KLHL2: variants seen among roughly 807,000 people sequenced by gnomAD.
The protein encoded by KLHL2 is kelch-like protein 2.
In KLHL2, 15 loss-of-function variants were observed where a neutral mutation model predicts 75.8. The observed-to-expected ratio is 0.20, with a 90% CI of 0.13 to 0.30. KLHL2 has a LOEUF of 0.30. KLHL2 is among the 10% of genes least tolerant of loss of function. KLHL2 has a pLI of 1.00. For missense variants in KLHL2, 381 were observed against 741.0 expected (o/e 0.51, Z 5.64); for synonymous variants, 214 against 251.9 (o/e 0.85, Z 1.42).
chr4:165,249,993 G>A (rs1313875600), intron 4 of KLHL2, among the ~76,000 whole-genome samples: 3 of 151,942 alleles, frequency 2.0e-5, no homozygotes, highest in African/African-American at 7.3e-5. Flanking sequence ...GCGTGGTGGC[G>A]GGCGCCTGTG....
chr4:165,226,883 G>A (rs1184497610), intron 2 of KLHL2, among the ~76,000 whole-genome samples: 1 of 152,086 alleles, frequency 6.6e-6, no homozygotes, highest in Non-Finnish European at 1.5e-5. Flanking sequence ...TCTAGTTGGA[G>A]GACTTTAACC....
At chr4:165,321,917 A>G in intron 14 of KLHL2, 115 bp from the exon 15 acceptor site, 1 of 902,280 alleles carries the variant, frequency 1.1e-6, no homozygotes, top group Non-Finnish European at 1.8e-6. Context: ...AGATTCTGAA[A>G]CATGATTTGT....
intron 1 of KLHL2, among the ~76,000 whole-genome samples, chr4:165,217,201 A>AAT (rs1411272009): frequency 6.6e-6 from 1 of 152,220 alleles, no homozygotes; most frequent in Non-Finnish European, 1.5e-5. Context: ...GCAAATATAG[A>AAT]ATAAGTATTA....
chr4:165,214,708 T>A (rs1737417394), intron 1 of KLHL2, among the ~76,000 whole-genome samples: 1 of 152,196 alleles, frequency 6.6e-6, no homozygotes, highest in Non-Finnish European at 1.5e-5. Flanking sequence ...CTTCAGTGAG[T>A]TCAGGGCTCT....
intron 2 of KLHL2, among the ~76,000 whole-genome samples, chr4:165,222,272 G>T (rs1459426455): frequency 6.6e-6 from 1 of 152,150 alleles, no homozygotes; most frequent in East Asian, 1.9e-4. Flanking sequence ...GTTCAGTGCT[G>T]CTCTGACATT....
chr4:165,271,013 T>G (rs1742649687), intron 5 of KLHL2, among the ~76,000 whole-genome samples: 1 of 152,234 alleles, frequency 6.6e-6, no homozygotes, highest in Admixed American at 6.5e-5. Flanking sequence ...ACATATCTAC[T>G]TATATGCCAG....
At chr4:165,301,633 A>G (rs771760039) in intron 8 of KLHL2, among the ~76,000 whole-genome samples, 4 of 152,206 alleles carry the variant, frequency 2.6e-5, no homozygotes, top group Non-Finnish European at 5.9e-5. Flanking sequence ...TGTTCTTACA[A>G]AATAATCCAT....
intron 9 of KLHL2, among the ~76,000 whole-genome samples, chr4:165,309,130 C>T (rs1189630452): frequency 6.6e-6 from 1 of 152,108 alleles, no homozygotes; most frequent in East Asian, 1.9e-4. Context: ...GGCACAGGGA[C>T]ATAAACATTA....
chr4:165,280,237 C>T (rs1384652636), intron 5 of KLHL2, among the ~76,000 whole-genome samples: 1 of 152,182 alleles, frequency 6.6e-6, no homozygotes. Context: ...ATAATAGGCT[C>T]AGTACAATTT....
At chr4:165,251,993 T>C (rs1740773967) in intron 4 of KLHL2, among the ~76,000 whole-genome samples, 1 of 152,220 alleles carries the variant, frequency 6.6e-6, no homozygotes, top group South Asian at 2.1e-4. Context: ...TGTGGCTTTG[T>C]ATTATTAAAA....
intron 2 of KLHL2, among the ~76,000 whole-genome samples, chr4:165,226,935 T>A (rs995250586): frequency 2.0e-5 from 3 of 152,128 alleles, no homozygotes; most frequent in African/African-American, 7.2e-5. Flanking sequence ...AAATAATACC[T>A]TATAACATTG....
At chr4:165,260,226 A>G (rs1187945705) in intron 4 of KLHL2, among the ~76,000 whole-genome samples, 1 of 152,208 alleles carries the variant, frequency 6.6e-6, no homozygotes, top group Non-Finnish European at 1.5e-5. Flanking sequence ...TCATAAAACC[A>G]AGGCAATTTC....
chr4:165,253,028 CTTTTTTA>C (rs1248470666), intron 4 of KLHL2, among the ~76,000 whole-genome samples: 1 of 152,126 alleles, frequency 6.6e-6, no homozygotes, highest in Non-Finnish European at 1.5e-5. Flanking sequence ...CTCCTGTATA[CTTTTTTA>C]TTTTTTATTT....
chr4:165,251,348 G>T (rs1740684221), intron 4 of KLHL2, among the ~76,000 whole-genome samples: 1 of 151,926 alleles, frequency 6.6e-6, no homozygotes, highest in South Asian at 2.1e-4. Context: ...GAGTTTTGAT[G>T]TTAATTGTAT....
chr4:165,298,503 A>G (rs1458820567), intron 7 of KLHL2, among the ~76,000 whole-genome samples: 1 of 152,196 alleles, frequency 6.6e-6, no homozygotes, highest in Admixed American at 6.5e-5. Context: ...GAATCCCGCT[A>G]GGAACATTTC....
chr4:165,283,816 C>T (rs1743876803), intron 5 of KLHL2, among the ~76,000 whole-genome samples: 1 of 152,248 alleles, frequency 6.6e-6, no homozygotes. Context: ...GCCCCTGCAG[C>T]AAACTTCTGC....
intron 11 of KLHL2, among the ~76,000 whole-genome samples, chr4:165,311,809 C>CTCTCTGTG (rs1367964726): frequency 6.9e-6 from 1 of 144,790 alleles, no homozygotes; most frequent in Non-Finnish European, 1.5e-5. Context: ...TCCTTTCTCT[C>CTCTCTGTG]TGTGTGTGTG....
intron 1 of KLHL2, among the ~76,000 whole-genome samples, chr4:165,214,349 TGTTA>T (rs573039574): frequency 6.7e-4 from 102 of 152,328 alleles, no homozygotes; most frequent in African/African-American, 2.3e-3. Flanking sequence ...GACAATGCTT[TGTTA>T]GTTATTTATA....
intron 2 of KLHL2, among the ~76,000 whole-genome samples, chr4:165,224,992 T>A (rs1413999559): frequency 6.6e-6 from 1 of 152,192 alleles, no homozygotes; most frequent in African/African-American, 2.4e-5. Context: ...TTCTCAGTCT[T>A]AGGAATTCAT....
Sources: allele counts gnomAD v4.1 joint callset (sites outside exome capture counted in the v4.1 genomes callset), GRCh38; gene constraint gnomAD v4.1.1; transcripts MANE v1.5; gene names NCBI Gene and HGNC (gene_info 2026-07-23, HGNC 2026-07-21).